NTRK1: variants seen among roughly 807,000 people sequenced by gnomAD.
NTRK1 encodes neurotrophic receptor tyrosine kinase 1, also known as high affinity nerve growth factor receptor.
In NTRK1, 62 loss-of-function variants were observed where a neutral mutation model predicts 86.8. The ratio of observed to expected loss-of-function variants is 0.71; its 90% CI spans 0.58 to 0.88. NTRK1 has a LOEUF of 0.88. Ranked by LOEUF, NTRK1 falls within the 40% of genes least tolerant of loss-of-function variation. The pLI, the probability that NTRK1 is intolerant of heterozygous loss-of-function variation, is 0.00. For synonymous variants in NTRK1, 469 were observed against 456.6 expected (o/e 1.03, Z -0.35); for missense variants, 967 against 1,078.4 (o/e 0.90, Z 1.45).
chr1:156,868,352 G>A, intron 5 of NTRK1, 103 bp downstream of exon 5: 1 of 1,543,242 alleles, frequency 6.5e-7, no homozygotes, highest in Non-Finnish European at 8.7e-7. Context: ...TGGGGAATGG[G>A]CACTGGCAAA....
At chr1:156,842,723 A>G (rs761116794) in intron 2 of NTRK1, among the ~76,000 whole-genome samples, 1 of 152,160 alleles carries the variant, frequency 6.6e-6, no homozygotes, top group African/African-American at 2.4e-5. Context: ...ACTTGGTCCA[A>G]CTTTGGCCTT....
At chr1:156,881,189 T>C (rs943767172) in intron 16 of NTRK1, among the ~76,000 whole-genome samples, 1 of 152,134 alleles carries the variant, frequency 6.6e-6, no homozygotes, top group Non-Finnish European at 1.5e-5. Context: ...ACCTGGCAAG[T>C]CTTCTTAGGA....
At chr1:156,845,866 GA>G (rs752520709) in intron 2 of NTRK1, 21 of 1,601,306 alleles carry the variant, frequency 1.3e-5, no homozygotes, top group Non-Finnish European at 1.7e-5. Flanking sequence ...ACCCGCCTCT[GA>G]TCCCCCCCAC....
chr1:156,875,665 C>T lies in NTRK1; in HGVS notation c.1500C>T (p.Ala500=), dbSNP rs1244629581. The T allele has an allele frequency of 6.2e-7, 1 of 1,608,748 alleles. No individual in the cohort carries two copies. Among genetic ancestry groups the T allele is most frequent in the Non-Finnish European group, 8.5e-7 (1 of 1,178,778 alleles). Residue 500 remains alanine, a splice_region_variant and synonymous_variant, in exon 12 of 17, where the codon GCC becomes GCT. Coordinates refer to ENST00000524377, the MANE Select transcript of NTRK1 (RefSeq NM_002529.4). ...IIENPQYFSD[A]CVHHIKRRDI... ...AGAACCCACAATACTTCAGTGATGC[C>T]TGTGAGGGGCTATGCTGGGTCAAGG...
At chr1:156,866,681 G>A (rs1443695586) in intron 3 of NTRK1, among the ~76,000 whole-genome samples, 1 of 152,298 alleles carries the variant, frequency 6.6e-6, no homozygotes, top group East Asian at 1.9e-4. Context: ...AGGGGGTTAA[G>A]TGGGGTTAAC....
intron 2 of NTRK1, chr1:156,849,064 G>T (rs200782324): frequency 1.2e-6 from 2 of 1,608,760 alleles, no homozygotes. Flanking sequence ...GGGGCGAGGG[G>T]CCTGCTCGCA....
intron 2 of NTRK1, chr1:156,842,990 TG>T (rs756351325): frequency 6.3e-7 from 1 of 1,595,944 alleles, no homozygotes; most frequent in South Asian, 1.1e-5. Flanking sequence ...ACAATGCCCT[TG>T]GCTCTCCCTT....
intron 1 of NTRK1, among the ~76,000 whole-genome samples, chr1:156,829,534 G>A (rs1351769777): frequency 1.3e-5 from 2 of 152,100 alleles, no homozygotes; most frequent in Non-Finnish European, 2.9e-5. Flanking sequence ...TTTTGACAGG[G>A]AGGCCCTTGG....
chr1:156,854,399 G>C lies in NTRK1; in HGVS notation c.51-9955G>C, dbSNP rs1225476779. On this transcript the variant is annotated intron_variant, in intron 2 of 16. Transcript: ENST00000392302. The surrounding 1 kb of genome is among the most constrained non-coding windows in gnomAD (Gnocchi z 4.2). ...TGGAGGGGAGCCACACTGGCAGTAG[G>C]ACAATGAGTGAGGAGCCGGGCTCTG... 8.0e-7 allele frequency: 1 copy of C among 1,256,058 alleles called. No individual in the cohort carries two copies. Among genetic ancestry groups the C allele is most frequent in the Admixed American group, 2.3e-5 (1 of 43,990 alleles). 77.8% of individuals were successfully genotyped at this position (1,256,058 alleles called of 1,614,324 possible).
chr1:156,868,411 G>T, intron 5 of NTRK1, 94 bp from the exon 6 acceptor site: 1 of 1,541,610 alleles, frequency 6.5e-7, no homozygotes. Flanking sequence ...CCAGGTCATT[G>T]AGGAGGGTGG....
rs1367479652 is a variant in NTRK1, at chr1:156,844,778, G to A, written c.50+2585G>A. On this transcript the variant is annotated intron_variant, in intron 2 of 16. Transcript: ENST00000392302. Reference sequence around the variant, plus strand: ...TTGGGGTCTGGTGGCTCGAGCCAGCGCAGAAGGACACTGTTCTTGCTGGAG... The same window carrying A: ...TTGGGGTCTGGTGGCTCGAGCCAGCACAGAAGGACACTGTTCTTGCTGGAG... 1.9e-6 allele frequency: 3 copies of A among 1,614,160 alleles called. No homozygotes were observed. Among genetic ancestry groups the A allele is most frequent in the Admixed American group, 1.7e-5 (1 of 60,028 alleles).
At chr1:156,856,156 T>C (rs1484904956), upstream of NTRK1, among the ~76,000 whole-genome samples, 1 of 152,124 alleles carries the variant, frequency 6.6e-6, no homozygotes, top group Non-Finnish European at 1.5e-5. Flanking sequence ...TATATTAACA[T>C]AGATATTTAT....
chr1:156,878,674 G>T lies in NTRK1; in HGVS notation c.1806-448G>T, dbSNP rs149523553. 5.2e-3 allele frequency among the ~76,000 whole-genome samples: 792 copies of T among 152,320 alleles called. 6 individuals are homozygous for T. The highest frequency in any genetic ancestry group is 0.018 in the African/African-American group (761 of 41,564). On this transcript the variant is annotated intron_variant, in intron 14 of 16. Coordinates refer to ENST00000524377, the MANE Select transcript of NTRK1 (RefSeq NM_002529.4). ...AAGGAAGGAAGACCCCGTAGGAATG[G>T]CTGGACACTGAGGGCAGAGGGGAGA...
chr1:156,835,467 G>A (rs1263497394), intron 1 of NTRK1, among the ~76,000 whole-genome samples: 1 of 151,632 alleles, frequency 6.6e-6, no homozygotes, highest in African/African-American at 2.4e-5. Flanking sequence ...GTTTTTCCCT[G>A]CATGAATAAT....
chr1:156,848,928 TGTA>T, intron 2 of NTRK1: 4 of 1,575,442 alleles, frequency 2.5e-6, no homozygotes, highest in Non-Finnish European at 3.4e-6. Flanking sequence ...CACGACTCCT[TGTA>T]GTACACGATG....
intron 8 of NTRK1, 75 bp from the exon 9 acceptor site, chr1:156,874,308 C>A (rs974217401): frequency 6.2e-7 from 1 of 1,604,456 alleles, no homozygotes; most frequent in Non-Finnish European, 8.5e-7. Flanking sequence ...AGGCAGGGGA[C>A]TCACTGCTTT....
rs147055208 is a variant in NTRK1 at position 156,816,697 on chromosome 1, G to A, written c.-64+859G>A. ...TACCTTGGGGACATATCTGGGCCAG[G>A]GGGAACTCCATGAGGGCAGCCTCAC... is the stretch of plus-strand genomic sequence containing the variant. On this transcript the variant is annotated intron_variant, in intron 1 of 16. Coordinates refer to the NTRK1 transcript ENST00000392302. 3.1e-6 allele frequency: 5 copies of A among 1,601,476 alleles called. No individual in the cohort carries two copies. The African/African-American group carries it at 6.8e-5, about 22-fold the overall frequency.
At chr1:156,861,971 T>G (rs1010146459) in intron 1 of NTRK1, among the ~76,000 whole-genome samples, 1 of 152,234 alleles carries the variant, frequency 6.6e-6, no homozygotes, top group Non-Finnish European at 1.5e-5. Context: ...ATGACTGGCC[T>G]GGAGGTACTC....
At chr1:156,878,288 C>T (rs186951153) in intron 14 of NTRK1, among the ~76,000 whole-genome samples, 19 of 152,272 alleles carry the variant, frequency 1.2e-4, no homozygotes, top group African/African-American at 4.1e-4. Flanking sequence ...CAGCTCCCTT[C>T]GAATGGCTTC....
Sources: gnomAD v4.1 joint callset for allele counts (sites outside exome capture counted in the v4.1 genomes callset) on GRCh38, gnomAD v4.1.1 for gene constraint, Gnocchi (gnomAD v3.1) non-coding constraint, MANE v1.5 for transcripts, NCBI Gene and HGNC (gene_info 2026-07-23, HGNC 2026-07-21) for gene names.